PPARGC1B: variants seen among roughly 807,000 people sequenced by gnomAD.
The protein encoded by PPARGC1B is PPARG coactivator 1 beta.
In PPARGC1B, 34 loss-of-function variants were observed where a neutral mutation model predicts 101.6. The observed-to-expected ratio is 0.33, with a 90% CI of 0.25 to 0.45. PPARGC1B has a LOEUF of 0.45. PPARGC1B is among the 20% of genes least tolerant of loss of function. The pLI is 1.00. For missense variants in PPARGC1B, 1,234 were observed against 1,317.6 expected, an observed-to-expected ratio of 0.94 and a Z score of 0.98; for synonymous variants, 548 against 539.3, an observed-to-expected ratio of 1.02 and a Z score of -0.22.
rs141866379 is a variant in PPARGC1B at position 149,832,973 on chromosome 5, C to A, written c.900C>A (p.Pro300=). Residue 300 remains proline (P), a synonymous_variant, in exon 5 of 12, where the codon CCC becomes CCA. Coordinates refer to ENST00000309241, the MANE Select transcript of PPARGC1B (RefSeq NM_133263.4). The surrounding 1 kb of genome is among the most constrained non-coding windows in gnomAD (Gnocchi z 4.9). ...LIRYMHTYCL[P]QRKLPPQTPE... ...GCTACATGCACACCTACTGCCTCCC[C>A]CAGAGGAAGCTGCCCCCACAGACCC... 7 of 1,613,422 alleles carry A rather than the reference C, an allele frequency of 4.3e-6. No homozygotes were observed. Among genetic ancestry groups the A allele is most frequent in the Non-Finnish European group, 4.2e-6 (5 of 1,180,006 alleles).
At chr5:149,750,476 A>ATATG (rs1755253204) in intron 1 of PPARGC1B, among the ~76,000 whole-genome samples, 1 of 118,192 alleles carries the variant, frequency 8.5e-6, no homozygotes, top group Non-Finnish European at 1.7e-5. Context: ...ATATATATAT[A>ATATG]TATATATATA....
At chr5:149,824,739 A>G (rs1168293479) in intron 2 of PPARGC1B, among the ~76,000 whole-genome samples, 1 of 152,086 alleles carries the variant, frequency 6.6e-6, no homozygotes, top group Non-Finnish European at 1.5e-5. Context: ...GGGGCAGCCA[A>G]TGAGCCCGCT....
At chr5:149,752,354 G>T (rs573338047) in intron 1 of PPARGC1B, among the ~76,000 whole-genome samples, 2 of 152,310 alleles carry the variant, frequency 1.3e-5, no homozygotes, top group South Asian at 4.1e-4. Flanking sequence ...GACTGCAGTC[G>T]GAGCAGAACC....
chr5:149,843,923 T>C (rs927648056), intron 10 of PPARGC1B, among the ~76,000 whole-genome samples: 4 of 152,214 alleles, frequency 2.6e-5, no homozygotes, highest in African/African-American at 9.6e-5. Flanking sequence ...ATTTCACTTA[T>C]ATGCTATGTC....
intron 1 of PPARGC1B, among the ~76,000 whole-genome samples, chr5:149,770,837 A>G (rs898646263): frequency 2.0e-5 from 3 of 152,116 alleles, no homozygotes; most frequent in Admixed American, 1.3e-4. Context: ...TTAAAAAAAA[A>G]AAAAGGAATA....
intron 1 of PPARGC1B, among the ~76,000 whole-genome samples, chr5:149,734,183 G>A (rs1246212694): frequency 1.3e-5 from 2 of 151,900 alleles, no homozygotes; most frequent in East Asian, 1.9e-4. Context: ...TTAGCTGGGC[G>A]TGGTGACACA....
At chr5:149,744,778 A>T (rs1424530685) in intron 1 of PPARGC1B, among the ~76,000 whole-genome samples, 1 of 152,236 alleles carries the variant, frequency 6.6e-6, no homozygotes, top group East Asian at 1.9e-4. Flanking sequence ...AAGGCTGCTT[A>T]AGGTAGCACA....
intron 1 of PPARGC1B, among the ~76,000 whole-genome samples, chr5:149,779,042 A>T (rs1210261479): frequency 2.0e-5 from 3 of 152,044 alleles, no homozygotes; most frequent in Non-Finnish European, 4.4e-5. Flanking sequence ...TGTCACAAAA[A>T]CTAGACTCCT....
intron 1 of PPARGC1B, among the ~76,000 whole-genome samples, chr5:149,754,647 C>T (rs77564384): frequency 0.016 from 2,364 of 152,116 alleles, 60 homozygotes; most frequent in African/African-American, 0.054. Context: ...GAGTGAGGCC[C>T]AGAGGAGAAT....
At chr5:149,844,418 A>T (rs2113445826) in intron 10 of PPARGC1B, among the ~76,000 whole-genome samples, 1 of 152,330 alleles carries the variant, frequency 6.6e-6, no homozygotes, top group Middle Eastern at 3.4e-3. Context: ...GGGACAGATT[A>T]CTTGAGGCTA....
chr5:149,806,302 G>C (rs1269023125), intron 1 of PPARGC1B, among the ~76,000 whole-genome samples: 1 of 152,260 alleles, frequency 6.6e-6, no homozygotes, highest in African/African-American at 2.4e-5. Context: ...GCAGCACTGG[G>C]CTGAAGGTGT....
intron 1 of PPARGC1B, among the ~76,000 whole-genome samples, chr5:149,773,169 G>A (rs1445295328): frequency 2.0e-5 from 3 of 152,198 alleles, no homozygotes; most frequent in Admixed American, 2.0e-4. Flanking sequence ...GGTGTTTGGG[G>A]CAACCCCACA....
At chr5:149,735,490 C>A (rs1264166816) in intron 1 of PPARGC1B, among the ~76,000 whole-genome samples, 1 of 152,168 alleles carries the variant, frequency 6.6e-6, no homozygotes, top group Non-Finnish European at 1.5e-5. Context: ...AGTGTTGATC[C>A]TTGCCTTCTC....
chr5:149,830,044 A>AG (rs1758699102), intron 3 of PPARGC1B, among the ~76,000 whole-genome samples: 3 of 126,876 alleles, frequency 2.4e-5, no homozygotes, highest in Non-Finnish European at 5.0e-5. Context: ...AAAAAAAAAA[A>AG]AAAAAAAAAA....
chr5:149,776,908 G>A (rs1347033083), intron 1 of PPARGC1B, among the ~76,000 whole-genome samples: 1 of 152,236 alleles, frequency 6.6e-6, no homozygotes, highest in East Asian at 1.9e-4. Context: ...GCACACACAT[G>A]TGTGTACACA....
At chr5:149,738,328 T>G (rs1754799488) in intron 1 of PPARGC1B, among the ~76,000 whole-genome samples, 1 of 152,212 alleles carries the variant, frequency 6.6e-6, no homozygotes, top group Non-Finnish European at 1.5e-5. Flanking sequence ...ACCCACCTTT[T>G]GTTTTCACCA....
At chr5:149,805,360 A>T (rs144091201) in intron 1 of PPARGC1B, among the ~76,000 whole-genome samples, 225 of 152,358 alleles carry the variant, frequency 1.5e-3, no homozygotes, top group African/African-American at 5.2e-3. Context: ...ATATGAGTTT[A>T]TGCAAATAGA....
intron 1 of PPARGC1B, among the ~76,000 whole-genome samples, chr5:149,809,687 T>TAAAAA (rs35168335): frequency 1.8e-5 from 2 of 109,230 alleles, no homozygotes; most frequent in Non-Finnish European, 3.6e-5. Context: ...GATCCTTTCT[T>TAAAAA]AAAAAAAAAA....
chr5:149,800,356 G>A (rs1467367315), intron 1 of PPARGC1B, among the ~76,000 whole-genome samples: 1 of 152,178 alleles, frequency 6.6e-6, no homozygotes, highest in Non-Finnish European at 1.5e-5. Flanking sequence ...ATTGCAGGTC[G>A]CTAGAAAGAT....
Sources: allele counts gnomAD v4.1 joint callset (sites outside exome capture counted in the v4.1 genomes callset), GRCh38; gene constraint gnomAD v4.1.1; non-coding constraint Gnocchi (gnomAD v3.1); transcripts MANE v1.5; gene names NCBI Gene and HGNC (gene_info 2026-07-23, HGNC 2026-07-21).